Variants in MS4A6A observed in about 807,000 individuals in gnomAD.
MS4A6A encodes membrane spanning 4-domains A6A.
A neutral mutation model predicts 20.6 loss-of-function variants in MS4A6A; 19 were observed. The observed-to-expected ratio is 0.92, with a 90% confidence interval of 0.64 to 1.36. The LOEUF (loss-of-function observed/expected upper bound fraction) is 1.36, where lower values mean the gene tolerates loss of function less well. MS4A6A is among the 40% of genes most tolerant of loss of function. The pLI, the probability that MS4A6A is intolerant of heterozygous loss-of-function variation, is 0.00. For synonymous variants in MS4A6A, 108 were observed against 105.0 expected (o/e 1.03, Z -0.17); for missense variants, 272 against 261.1 (o/e 1.04, Z -0.29).
At chr11:60,180,518 AG>A (rs1366731344) in intron 2 of MS4A6A, 4 of 156,450 alleles carry the variant, frequency 2.6e-5, no homozygotes, top group Non-Finnish European at 5.6e-5. Flanking sequence ...TTTAAGTTCA[AG>A]GGTACAACTG....
At chr11:60,178,681 A>G in intron 3 of MS4A6A, 1 of 302,468 alleles carries the variant, frequency 3.3e-6, no homozygotes, top group Non-Finnish European at 6.4e-6. Flanking sequence ...GTAATTTTAC[A>G]GAGGAGAAAT....
At chr11:60,172,071 A>T, downstream of MS4A6A, 1 of 1,314,644 alleles carries the variant, frequency 7.6e-7, no homozygotes. Context: ...TACATTTAGG[A>T]AACTCAAGCT....
Position 60,182,954 on chromosome 11 carries a change from G to A in MS4A6A, c.-15+24C>T, listed in dbSNP as rs1343845453. 7.5e-6 allele frequency: 10 copies of A among 1,340,220 alleles called. No individual in the cohort carries two copies. In the East Asian group the frequency reaches 2.9e-4, roughly 39 times the overall value. The allele number at this position is 1,340,220 out of a possible 1,614,324, so 83.0% of individuals were successfully genotyped here. A position where few individuals can be genotyped will look rare whatever the true frequency, so the allele number is the denominator to read the frequency against. On this transcript the variant is annotated intron_variant, in intron 1 of 5. Coordinates refer to ENST00000528851, the MANE Select transcript of MS4A6A (RefSeq NM_022349.4). The stretch of plus-strand genomic sequence containing the variant: ...TCACGGCAAGGGAATAGTGAGATGA[G>A]AAAAGTCTTCCAGCATTACCTACCT...
Position 60,182,986 on chromosome 11 carries a change from G to A in MS4A6A, c.-23C>T, listed in dbSNP as rs2083819027. 1.2e-5 allele frequency: 17 copies of A among 1,377,386 alleles called. No homozygotes were observed. The highest frequency in any genetic ancestry group is 1.8e-5 in the South Asian group (1 of 56,670). 85.3% of individuals were successfully genotyped at this position (1,377,386 alleles called of 1,614,324 possible). A position where few individuals can be genotyped will look rare whatever the true frequency, so the allele number is the denominator to read the frequency against. ...CTTCCAGCATTACCTACCTGTGCCC[G>A]TTGGTTCCAGCTGAGTCCTCAGAAG... On this transcript the variant is annotated 5_prime_UTR_variant, in exon 1 of 6. In the 5' UTR this introduces an upstream ATG that the reference lacks. Coordinates refer to ENST00000528851, the MANE Select transcript of MS4A6A (RefSeq NM_022349.4).
chr11:60,181,348 A>G (rs1480741856), intron 2 of MS4A6A: 1 of 557,836 alleles, frequency 1.8e-6, no homozygotes, highest in Non-Finnish European at 3.2e-6. Flanking sequence ...AAAAATACAA[A>G]GACAACAATA....
intron 4 of MS4A6A, 86 bp from the exon 5 acceptor site, chr11:60,175,697 C>T: frequency 1.4e-6 from 2 of 1,388,730 alleles, no homozygotes; most frequent in East Asian, 4.7e-5. Flanking sequence ...AAGTTATTCC[C>T]TTATCTGTCC....
intron 5 of MS4A6A, among the ~76,000 whole-genome samples, chr11:60,174,756 G>A (rs1856750622): frequency 6.6e-6 from 1 of 152,090 alleles, no homozygotes; most frequent in South Asian, 2.1e-4. Context: ...CAAAGAGATA[G>A]AATTCTCCTG....
At chr11:60,182,423 G>A (rs1173563163) in intron 1 of MS4A6A, 3 of 152,192 alleles carry the variant, frequency 2.0e-5, no homozygotes, top group African/African-American at 7.2e-5. Context: ...AACCAGTCTT[G>A]GATCTCAGCT....
chr11:60,179,854 A>G lies in MS4A6A; in HGVS notation c.259T>C (p.Tyr87His), dbSNP rs1257792980. The G allele has an allele frequency of 6.2e-7, 1 of 1,614,064 alleles. No individual in the cohort carries two copies. The highest frequency in any genetic ancestry group is 1.3e-5 in the African/African-American group (1 of 74,936). The change falls in exon 3 of 6, where the codon TAC becomes CAC. Residue 87 changes from tyrosine to histidine, a missense_variant. Coordinates refer to ENST00000528851, the MANE Select transcript of MS4A6A (RefSeq NM_022349.4). Reference sequence around the variant, plus strand: ...ACAAAAAAGGGTCCTATGAATGGGTAAGCAGAGTTCAACAGTGTAGAAGTC... The same window carrying G: ...ACAAAAAAGGGTCCTATGAATGGGTGAGCAGAGTTCAACAGTGTAGAAGTC... ...QVTSTLLNSA[Y>H]PFIGPFFFII... is the part of the protein sequence containing the mutation.
At chr11:60,179,534 A>G (rs2134795771) in intron 3 of MS4A6A, 1 of 583,326 alleles carries the variant, frequency 1.7e-6, no homozygotes, top group South Asian at 2.2e-5. Flanking sequence ...CTTTATCCTA[A>G]TTCATGGATT....
chr11:60,178,942 C>T (rs561357110), intron 3 of MS4A6A: 2 of 358,806 alleles, frequency 5.6e-6, no homozygotes, highest in East Asian at 1.7e-4. Context: ...AAATCTTAGA[C>T]AGCCTAGAGG....
At chr11:60,176,181 T>A (rs945600995) in intron 4 of MS4A6A, among the ~76,000 whole-genome samples, 2 of 152,114 alleles carry the variant, frequency 1.3e-5, no homozygotes, top group Admixed American at 1.3e-4. Context: ...TGGTTCTGAG[T>A]CTCAGGCAGG....
In MS4A6A at chr11:60,175,727, G is replaced by C. The variant is rs567731680; in HGVS notation, c.340-116C>G. 3.9e-5 allele frequency: 42 copies of C among 1,076,778 alleles called. No homozygotes were observed. The South Asian group carries it at 5.6e-4, about 14-fold the overall frequency. The allele number at this position is 1,076,778 out of a possible 1,614,324, so 66.7% of individuals were successfully genotyped here. A position where few individuals can be genotyped will look rare whatever the true frequency, so the allele number is the denominator to read the frequency against. ...CTGTCCCCTCAGGAGGTCTGGGATT[G>C]ATCATTTATTGCTGTATGCCTCTCC... On this transcript the variant is annotated intron_variant, in intron 4 of 5. Transcript: ENST00000528851.
rs779192277 is a variant in MS4A6A, at chr11:60,179,812, C to T, written c.282+19G>A. 2 of 1,613,966 alleles carry T rather than the reference C, an allele frequency of 1.2e-6. No homozygotes were observed. The highest frequency in any genetic ancestry group is 1.1e-5 in the South Asian group (1 of 91,080). On this transcript the variant is annotated intron_variant, in intron 3 of 5. Transcript: ENST00000528851. The stretch of plus-strand genomic sequence containing the variant: ...TCCCCTCTTTGCCCCATCCTGCCCT[C>T]CTCAGAAACTCTACTCACAAAAAAG...
chr11:60,173,206 GA>G, intron 5 of MS4A6A, 77 bp from the exon 6 acceptor site: 1 of 1,282,166 alleles, frequency 7.8e-7, no homozygotes, highest in South Asian at 1.2e-5. Flanking sequence ...GGTGACCATA[GA>G]GATGAAGACC....
intron 4 of MS4A6A, among the ~76,000 whole-genome samples, chr11:60,176,608 ACTT>A (rs1418651618): frequency 1.3e-5 from 2 of 152,098 alleles, no homozygotes; most frequent in Non-Finnish European, 2.9e-5. Flanking sequence ...CCACATGGGC[ACTT>A]CTTCTTTTAG....
chr11:60,178,546 C>T (rs1471558446), intron 3 of MS4A6A, among the ~76,000 whole-genome samples: 1 of 151,044 alleles, frequency 6.6e-6, no homozygotes, highest in Non-Finnish European at 1.5e-5. Flanking sequence ...AAAAAATATC[C>T]CACTAAACAA....
At chr11:60,184,524 C>T (rs1382331817), upstream of MS4A6A, 2 of 152,230 alleles carry the variant, frequency 1.3e-5, no homozygotes, top group African/African-American at 4.8e-5. Flanking sequence ...TGCTAATAAA[C>T]CAGTTAAAGT....
chr11:60,176,654 T>C (rs1856855896), intron 4 of MS4A6A, among the ~76,000 whole-genome samples: 1 of 152,144 alleles, frequency 6.6e-6, no homozygotes, highest in Non-Finnish European at 1.5e-5. Flanking sequence ...GGACCCCAAT[T>C]TCCCAACATA....
Sources: allele counts gnomAD v4.1 joint callset (sites outside exome capture counted in the v4.1 genomes callset), GRCh38; gene constraint gnomAD v4.1.1; transcripts MANE v1.5; gene names NCBI Gene and HGNC (gene_info 2026-07-23, HGNC 2026-07-21).